The following MGMT variants were observed in gnomAD, a reference collection of about 807,000 sequenced individuals.
MGMT encodes the protein O-6-methylguanine-DNA methyltransferase, also known as methylated-DNA--protein-cysteine methyltransferase.
A neutral mutation model predicts 15.9 loss-of-function variants in MGMT; 14 were observed. The observed-to-expected ratio is 0.88, with a 90% CI of 0.58 to 1.37. MGMT has a LOEUF of 1.37. Ranked by LOEUF, MGMT falls within the 40% of genes most tolerant of loss-of-function variation. The pLI, the probability that MGMT is intolerant of heterozygous loss-of-function variation, is 0.00. For missense variants in MGMT, 282 were observed against 268.1 expected, an observed-to-expected ratio of 1.05 and a Z score of -0.36; for synonymous variants, 130 against 118.2, an observed-to-expected ratio of 1.10 and a Z score of -0.65.
chr10:129,619,765 C>T (rs1454934789), intron 2 of MGMT, among the ~76,000 whole-genome samples: 1 of 152,162 alleles, frequency 6.6e-6, no homozygotes, highest in Non-Finnish European at 1.5e-5. Context: ...GTAATCTTCT[C>T]TTATCCAGTT....
chr10:129,545,211 GA>G (rs1298052738), intron 2 of MGMT, among the ~76,000 whole-genome samples: 4 of 152,180 alleles, frequency 2.6e-5, no homozygotes, highest in Admixed American at 1.3e-4. Context: ...TTGCAGTAGA[GA>G]CTGCCACTCT....
intron 1 of MGMT, among the ~76,000 whole-genome samples, chr10:129,476,566 G>A (rs2119624829): frequency 6.6e-6 from 1 of 152,218 alleles, no homozygotes; most frequent in South Asian, 2.1e-4. Flanking sequence ...GGGCAGTGCT[G>A]GTTCCATGGT....
chr10:129,664,391 CCT>C (rs933657963), intron 2 of MGMT, among the ~76,000 whole-genome samples: 1 of 152,138 alleles, frequency 6.6e-6, no homozygotes, highest in Non-Finnish European at 1.5e-5. Context: ...GGGAGAACCC[CCT>C]GTGAAGAAGA....
intron 2 of MGMT, among the ~76,000 whole-genome samples, chr10:129,686,329 C>G (rs1003674012): frequency 2.6e-5 from 4 of 151,838 alleles, no homozygotes; most frequent in African/African-American, 7.3e-5. Flanking sequence ...AAGATAATTC[C>G]ACATAAATAA....
At chr10:129,614,243 C>T (rs1280770713) in intron 2 of MGMT, among the ~76,000 whole-genome samples, 1 of 152,176 alleles carries the variant, frequency 6.6e-6, no homozygotes, top group Non-Finnish European at 1.5e-5. Context: ...TGTTGTAGCA[C>T]GTGTCAAAAG....
In MGMT at chr10:129,664,147, G is replaced by A. The variant is rs112819911; in HGVS notation, c.126-43748G>A. Among the ~76,000 whole-genome samples, 1,141 of 152,238 alleles carry A rather than the reference G, an allele frequency of 7.5e-3. 9 individuals carry two copies. The highest frequency in any genetic ancestry group is 0.012 in the Non-Finnish European group (827 of 68,012). The stretch of plus-strand genomic sequence containing the variant: ...CCTTTCTATGCCCAGGAATGCAAGG[G>A]TAGTTTGGTATTAGGAAATCTGTTC... On this transcript the variant is annotated intron_variant, in intron 2 of 4. Transcript: ENST00000651593.
intron 1 of MGMT, among the ~76,000 whole-genome samples, chr10:129,505,344 T>TA (rs1321330321): frequency 6.6e-6 from 1 of 152,238 alleles, no homozygotes; most frequent in African/African-American, 2.4e-5. Context: ...ACAGGCTTTA[T>TA]GATTAGGCTA....
intron 2 of MGMT, among the ~76,000 whole-genome samples, chr10:129,678,444 C>T (rs926968949): frequency 5.3e-5 from 8 of 152,080 alleles, no homozygotes; most frequent in African/African-American, 1.7e-4. Context: ...GACTCCCTGC[C>T]GCATTTTGCC....
intron 2 of MGMT, among the ~76,000 whole-genome samples, chr10:129,657,957 A>G (rs1452256782): frequency 6.6e-6 from 1 of 152,050 alleles, no homozygotes; most frequent in East Asian, 1.9e-4. Context: ...TGGCTGAGGA[A>G]ATTCTCGTAA....
At chr10:129,650,285 A>G (rs906586788) in intron 2 of MGMT, among the ~76,000 whole-genome samples, 1 of 152,102 alleles carries the variant, frequency 6.6e-6, no homozygotes, top group Admixed American at 6.5e-5. Flanking sequence ...ACCTCAACGC[A>G]AAGCAGGTGT....
At chr10:129,569,517 C>A (rs1310848513) in intron 2 of MGMT, among the ~76,000 whole-genome samples, 7 of 152,184 alleles carry the variant, frequency 4.6e-5, no homozygotes, top group Non-Finnish European at 8.8e-5. Flanking sequence ...GCTGGGACGG[C>A]CCCTGCTGTT....
In MGMT at chr10:129,470,514, A is replaced by T. The variant is rs926213235; in HGVS notation, c.-13+3218A>T. On this transcript the variant is annotated intron_variant, in intron 1 of 4. Transcript: ENST00000651593. The stretch of plus-strand genomic sequence containing the variant: ...AGAGCTATTGAAGTGATTTATGAAG[A>T]GGAAGAAATCATTTTTGTGACTTTG... Among the ~76,000 whole-genome samples the T allele has an allele frequency of 3.3e-5, 5 of 152,356 alleles. No homozygotes were observed. In the South Asian group the frequency reaches 1.0e-3, roughly 32 times the overall value.
At chr10:129,697,046 G>A (rs1848040816) in intron 2 of MGMT, among the ~76,000 whole-genome samples, 1 of 152,176 alleles carries the variant, frequency 6.6e-6, no homozygotes, top group South Asian at 2.1e-4. Context: ...CTTCCTTTAA[G>A]AGCAATTGGG....
intron 2 of MGMT, among the ~76,000 whole-genome samples, chr10:129,598,027 T>G (rs189499318): frequency 3.3e-5 from 5 of 152,282 alleles, no homozygotes; most frequent in Admixed American, 2.6e-4. Flanking sequence ...CTGGGCCTGC[T>G]CTGCAGTCAG....
At chr10:129,715,939 C>A (rs1848290063) in intron 3 of MGMT, among the ~76,000 whole-genome samples, 1 of 152,082 alleles carries the variant, frequency 6.6e-6, no homozygotes, top group African/African-American at 2.4e-5. Context: ...ATGGAAAAAG[C>A]AAATATTTAC....
At chr10:129,748,039 T>C (rs1848713472) in intron 3 of MGMT, among the ~76,000 whole-genome samples, 2 of 152,176 alleles carry the variant, frequency 1.3e-5, no homozygotes, top group African/African-American at 4.8e-5. Flanking sequence ...GTAGTGGTGT[T>C]TGTCAGGTGA....
intron 3 of MGMT, among the ~76,000 whole-genome samples, chr10:129,718,980 C>T (rs546867829): frequency 1.5e-4 from 22 of 150,202 alleles, no homozygotes; most frequent in African/African-American, 4.5e-4. Context: ...TGTCTAGAGC[C>T]GGTCCATGTG....
intron 2 of MGMT, among the ~76,000 whole-genome samples, chr10:129,592,944 C>T (rs1846705595): frequency 6.6e-6 from 1 of 152,054 alleles, no homozygotes; most frequent in African/African-American, 2.4e-5. Context: ...AAATAACTTG[C>T]ATGAGGAAAA....
At position 129,770,162 on chromosome 10, in the gene MGMT, C is replaced by A. The variant is rs1453177735; in HGVS notation, c.*3165C>A. Among the ~76,000 whole-genome samples, 1 of 152,278 alleles carries A rather than the reference C, an allele frequency of 6.6e-6. No individual in the cohort carries two copies. The highest frequency in any genetic ancestry group is 2.1e-4 in the South Asian group (1 of 4,814). On this transcript the variant is annotated 3_prime_UTR_variant, in exon 5 of 5. Transcript: ENST00000651593. ...TCCCGTTTGGAGGGGCCAAGCAAGT[C>A]CAATATAGATAGGTTTATACTGAAG...
Sources: gnomAD v4.1 joint callset for allele counts (sites outside exome capture counted in the v4.1 genomes callset) on GRCh38, gnomAD v4.1.1 for gene constraint, MANE v1.5 for transcripts, NCBI Gene and HGNC (gene_info 2026-07-23, HGNC 2026-07-21) for gene names.